C12orf42: variants seen among roughly 807,000 people sequenced by gnomAD.
C12orf42 encodes the protein chromosome 12 open reading frame 42.
A neutral mutation model predicts 21.6 loss-of-function variants in C12orf42; 25 were observed. That is an observed-to-expected ratio of 1.16 (90% CI 0.84 to 1.62). The LOEUF is 1.62. Among genes scored for constraint, C12orf42 ranks in the 40% most tolerant of loss-of-function variants. The pLI is 0.00. For synonymous variants in C12orf42, 174 were observed against 175.0 expected, an observed-to-expected ratio of 0.99 and a Z score of 0.05; for missense variants, 483 against 459.3, an observed-to-expected ratio of 1.05 and a Z score of -0.47.
chr12:103,057,251 C>G, the C12orf42 span, among the ~76,000 whole-genome samples: 37,119 of 150,896 alleles, frequency 0.25, 4,880 homozygotes, highest in African/African-American at 0.31. Context: ...TGTTACATAG[C>G]TATACGTGTG....
At chr12:103,547,930 T>C in the C12orf42 span, 2 of 152,248 alleles carry the variant, frequency 1.3e-5, no homozygotes, top group East Asian at 3.8e-4. Flanking sequence ...ACTAAGGTAA[T>C]AGGCTTCTCG....
rs58864024 is a variant in C12orf42, at chr12:103,294,624, GA to G, written n.338-17415del. On this transcript the variant is annotated intron_variant and non_coding_transcript_variant, in intron 4 of 6. Transcript: ENST00000546526. ...AGAAAGAAAGAAAGAAAGAAAGAAAGAAAGAAAGAAAGAAGGAAAAGAAAGA... is the reference window on the plus strand; with the variant it reads ...AGAAAGAAAGAAAGAAAGAAAGAAAGAAGAAAGAAAGAAGGAAAAGAAAGA... Among the ~76,000 whole-genome samples the G allele has an allele frequency of 6.8e-4, 95 of 139,926 alleles. 1 individual carries two copies. The highest frequency in any genetic ancestry group is 6.5e-3 in the Admixed American group (92 of 14,226). 91.8% of individuals were successfully genotyped at this position (139,926 alleles called of 152,430 possible).
At chr12:103,075,372 G>A in the C12orf42 span, among the ~76,000 whole-genome samples, 1 of 152,098 alleles carries the variant, frequency 6.6e-6, no homozygotes, top group African/African-American at 2.4e-5. Context: ...AGAATTCGAT[G>A]TAGATCAAGA....
At chr12:103,331,808 A>C (rs2041259643) in intron 4 of C12orf42, among the ~76,000 whole-genome samples, 1 of 152,226 alleles carries the variant, frequency 6.6e-6, no homozygotes, top group South Asian at 2.1e-4. Flanking sequence ...ACATGGAATT[A>C]AATAGATAAG....
intron 10 of C12orf42, among the ~76,000 whole-genome samples, chr12:103,245,456 T>A (rs542450376): frequency 6.6e-6 from 1 of 152,110 alleles, no homozygotes; most frequent in Non-Finnish European, 1.5e-5. Flanking sequence ...AATTAACTTT[T>A]CTGAGCTTCA....
chr12:103,202,912 G>A, the C12orf42 span, among the ~76,000 whole-genome samples: 1 of 152,228 alleles, frequency 6.6e-6, no homozygotes, highest in African/African-American at 2.4e-5. Context: ...CTGGTATTTC[G>A]ATTTGTCATC....
At chr12:103,537,173 C>A in the C12orf42 span, among the ~76,000 whole-genome samples, 1 of 151,746 alleles carries the variant, frequency 6.6e-6, no homozygotes, top group Admixed American at 6.6e-5. Flanking sequence ...TATTTATGTT[C>A]CCTTTAGCAA....
upstream of C12orf42, among the ~76,000 whole-genome samples, chr12:103,499,329 T>G (rs1955658836): frequency 6.6e-6 from 1 of 152,250 alleles, no homozygotes; most frequent in Non-Finnish European, 1.5e-5. Flanking sequence ...CATTTCACAA[T>G]GTAGACATAT....
At chr12:103,121,170 G>A in the C12orf42 span, among the ~76,000 whole-genome samples, 1 of 152,182 alleles carries the variant, frequency 6.6e-6, no homozygotes, top group African/African-American at 2.4e-5. Flanking sequence ...GATAATGGAC[G>A]ATGTTGTTTT....
At chr12:103,305,159 T>C (rs570261398) in intron 5 of C12orf42, among the ~76,000 whole-genome samples, 1 of 152,352 alleles carries the variant, frequency 6.6e-6, no homozygotes, top group African/African-American at 2.4e-5. Context: ...TTGGGCCACA[T>C]ATAAAGCCAT....
At chr12:103,326,410 TCCTG>T (rs2040709913) in intron 4 of C12orf42, among the ~76,000 whole-genome samples, 1 of 152,210 alleles carries the variant, frequency 6.6e-6, no homozygotes, top group Admixed American at 6.5e-5. Flanking sequence ...CTAAATCAGA[TCCTG>T]TTGCTTCCTT....
chr12:103,513,579 C>T, the C12orf42 span, among the ~76,000 whole-genome samples: 9 of 152,168 alleles, frequency 5.9e-5, no homozygotes. Context: ...AAAAAGCTTT[C>T]ACTCTCAGAT....
At chr12:103,511,709 T>G in the C12orf42 span, among the ~76,000 whole-genome samples, 1 of 152,206 alleles carries the variant, frequency 6.6e-6, no homozygotes, top group African/African-American at 2.4e-5. Flanking sequence ...ACACACTCAC[T>G]CACCTCCAAG....
the C12orf42 span, among the ~76,000 whole-genome samples, chr12:103,075,709 C>G: frequency 6.6e-6 from 1 of 152,264 alleles, no homozygotes; most frequent in East Asian, 1.9e-4. Flanking sequence ...TTTTTGACCA[C>G]CCAACCAGTC....
In C12orf42 at chr12:103,384,149, C is replaced by T. The variant is rs535146424; in HGVS notation, c.148-15151G>A. The stretch of plus-strand genomic sequence containing the variant: ...TAATTTTACAAGTACATAATTTCTT[C>T]TTCTTAAAAAAACTGTAATAGCAGC... On this transcript the variant is annotated intron_variant, in intron 3 of 5. Transcript: ENST00000548883. Among the ~76,000 whole-genome samples the T allele has an allele frequency of 2.8e-3, 421 of 152,206 alleles. 1 individual carries two copies. Among genetic ancestry groups the T allele is most frequent in the Non-Finnish European group, 5.0e-3 (342 of 67,998 alleles).
rs1455594626 is a variant in C12orf42, at chr12:103,401,590, A to C, written c.147+17T>G. On this transcript the variant is annotated intron_variant, in intron 3 of 5. Transcript: ENST00000548883. Reference sequence around the variant, plus strand: ...GCACTATGGAGCAGCCCTGCACATAACATTCCGCTGACTCACCTTTGCACT... The same window carrying C: ...GCACTATGGAGCAGCCCTGCACATACCATTCCGCTGACTCACCTTTGCACT... The C allele has an allele frequency of 2.5e-6, 4 of 1,612,390 alleles. No homozygotes were observed. The highest frequency in any genetic ancestry group is 3.4e-6 in the Non-Finnish European group (4 of 1,178,470).
intron 2 of C12orf42, among the ~76,000 whole-genome samples, chr12:103,406,506 AT>A (rs1337518680): frequency 5.3e-5 from 8 of 152,224 alleles, no homozygotes; most frequent in African/African-American, 1.9e-4. Flanking sequence ...ACTGTTTCTA[AT>A]GATCTATGTT....
intron 2 of C12orf42, among the ~76,000 whole-genome samples, chr12:103,449,052 CATCA>C (rs1231438933): frequency 6.6e-6 from 1 of 151,354 alleles, no homozygotes; most frequent in African/African-American, 2.4e-5. Flanking sequence ...CCCAAATGCC[CATCA>C]ATCAATGAGT....
chr12:103,374,470 T>C (rs140519844), intron 3 of C12orf42, among the ~76,000 whole-genome samples: 3 of 152,286 alleles, frequency 2.0e-5, no homozygotes, highest in Non-Finnish European at 4.4e-5. Context: ...TGGCTTTGAA[T>C]TACTTCTCTG....
Sources: allele counts gnomAD v4.1 joint callset (sites outside exome capture counted in the v4.1 genomes callset), GRCh38; gene constraint gnomAD v4.1.1; transcripts MANE v1.5; gene names NCBI Gene and HGNC (gene_info 2026-07-23, HGNC 2026-07-21).